Variants in SEMA6D observed in about 807,000 individuals in gnomAD.
SEMA6D encodes the protein semaphorin 6D, also known as semaphorin-6D.
Under a neutral mutation model 106.6 loss-of-function variants are expected in SEMA6D, and 35 were observed. That is an observed-to-expected ratio of 0.33 (90% CI 0.25 to 0.44). SEMA6D has a LOEUF of 0.44. Ranked by LOEUF, SEMA6D falls within the 20% of genes least tolerant of loss-of-function variation. SEMA6D has a pLI of 1.00. For missense variants in SEMA6D, 1,185 were observed against 1,345.9 expected (o/e 0.88, Z 1.87); for synonymous variants, 499 against 487.7 (o/e 1.02, Z -0.31).
intron 4 of SEMA6D, among the ~76,000 whole-genome samples, chr15:47,703,611 G>T (rs2078858415): frequency 6.6e-6 from 1 of 152,020 alleles, no homozygotes. Flanking sequence ...AACAGTTCCT[G>T]TTCTTTGAAT....
intron 2 of SEMA6D, among the ~76,000 whole-genome samples, chr15:47,413,073 T>G (rs281210): frequency 0.63 from 95,573 of 151,958 alleles, 30,502 homozygotes; most frequent in Middle Eastern, 0.69. Context: ...TGGCAAATTG[T>G]GTTACTGGAA....
intron 3 of SEMA6D, among the ~76,000 whole-genome samples, chr15:47,505,407 C>T (rs1055181065): frequency 2.0e-5 from 3 of 152,160 alleles, no homozygotes; most frequent in Admixed American, 6.5e-5. Context: ...AAGCAATAGG[C>T]ACATTCTGCG....
intron 4 of SEMA6D, among the ~76,000 whole-genome samples, chr15:47,658,877 CAACA>C (rs1317993630): frequency 6.6e-6 from 1 of 151,924 alleles, no homozygotes. Context: ...CCCACACACA[CAACA>C]GTTTAGAAAA....
chr15:47,318,271 TTTA>T (rs979949866), intron 1 of SEMA6D, among the ~76,000 whole-genome samples: 27 of 150,864 alleles, frequency 1.8e-4, no homozygotes, highest in African/African-American at 3.2e-4. Context: ...TTTTTTAAAA[TTTA>T]TTATTATTAT....
At chr15:47,299,418 T>C (rs1266897534) in intron 1 of SEMA6D, among the ~76,000 whole-genome samples, 1 of 152,214 alleles carries the variant, frequency 6.6e-6, no homozygotes, top group Non-Finnish European at 1.5e-5. Flanking sequence ...AAAATGGTGC[T>C]CATCCAAATT....
chr15:47,187,392 C>G (rs559889903), intron 1 of SEMA6D, among the ~76,000 whole-genome samples: 91 of 152,142 alleles, frequency 6.0e-4, no homozygotes, highest in African/African-American at 2.1e-3. Flanking sequence ...AAGTGTTATT[C>G]AATTATTATT....
At chr15:47,737,341 GAGCTGTTTATTTGGATGGA>G (rs1228091770) in intron 1 of SEMA6D, among the ~76,000 whole-genome samples, 2 of 152,036 alleles carry the variant, frequency 1.3e-5, no homozygotes, top group African/African-American at 4.8e-5. Flanking sequence ...CAAGAAAAAT[GAGCTGTTTATTTGGATGGA>G]AGGTAACTTA....
chr15:47,552,862 A>ATT (rs2045777443), intron 3 of SEMA6D, among the ~76,000 whole-genome samples: 10 of 69,150 alleles, frequency 1.4e-4, no homozygotes, highest in Admixed American at 2.4e-4. Context: ...AAATATATAT[A>ATT]TATTTTTATA....
intron 1 of SEMA6D, among the ~76,000 whole-genome samples, chr15:47,247,551 G>C (rs1307613867): frequency 1.3e-5 from 2 of 152,090 alleles, no homozygotes; most frequent in African/African-American, 4.8e-5. Flanking sequence ...GAATAGTATT[G>C]AATATTCACT....
intron 2 of SEMA6D, among the ~76,000 whole-genome samples, chr15:47,417,253 G>A (rs890401130): frequency 2.0e-5 from 3 of 151,906 alleles, no homozygotes; most frequent in African/African-American, 7.3e-5. Context: ...ATATTTATTT[G>A]TTTTAGAGAT....
chr15:47,237,291 A>G (rs899442745), intron 1 of SEMA6D, among the ~76,000 whole-genome samples: 5 of 152,124 alleles, frequency 3.3e-5, no homozygotes, highest in African/African-American at 9.7e-5. Context: ...GAGGCTCACC[A>G]TTTTACTTTA....
At chr15:47,208,365 A>T (rs1017588668) in intron 1 of SEMA6D, among the ~76,000 whole-genome samples, 8 of 152,150 alleles carry the variant, frequency 5.3e-5, no homozygotes, top group Admixed American at 4.6e-4. Flanking sequence ...CAGGTGAGAT[A>T]TATCTTCTCT....
chr15:47,545,052 A>G (rs2045475986), intron 3 of SEMA6D, among the ~76,000 whole-genome samples: 1 of 152,092 alleles, frequency 6.6e-6, no homozygotes, highest in Admixed American at 6.6e-5. Context: ...GTTTCTTTGC[A>G]AGATGGCATG....
chr15:47,623,400 A>G (rs1424314969), intron 4 of SEMA6D, among the ~76,000 whole-genome samples: 1 of 152,228 alleles, frequency 6.6e-6, no homozygotes, highest in Non-Finnish European at 1.5e-5. Context: ...TCTTTTATAT[A>G]GGTAAAATTA....
intron 4 of SEMA6D, among the ~76,000 whole-genome samples, chr15:47,687,835 G>A (rs1444820803): frequency 1.3e-5 from 2 of 152,136 alleles, no homozygotes; most frequent in Non-Finnish European, 2.9e-5. Flanking sequence ...TACTTATATT[G>A]AGATTTCTGA....
chr15:47,290,872 G>T (rs918086247), intron 1 of SEMA6D, among the ~76,000 whole-genome samples: 3 of 152,134 alleles, frequency 2.0e-5, no homozygotes, highest in East Asian at 1.9e-4. Context: ...ATTGCATGAG[G>T]TTATTTAAGA....
chr15:47,421,496 C>G (rs1247396179), intron 2 of SEMA6D, among the ~76,000 whole-genome samples: 1 of 152,048 alleles, frequency 6.6e-6, no homozygotes, highest in Non-Finnish European at 1.5e-5. Flanking sequence ...ATCATCTACT[C>G]CTTGGTTTTG....
chr15:47,591,643 T>C (rs1164067411), intron 3 of SEMA6D, among the ~76,000 whole-genome samples: 1 of 152,178 alleles, frequency 6.6e-6, no homozygotes, highest in Non-Finnish European at 1.5e-5. Context: ...GGCTCCAGAA[T>C]TTAATTAGCA....
At chr15:47,692,795 C>A (rs1487156727) in intron 4 of SEMA6D, among the ~76,000 whole-genome samples, 3 of 152,058 alleles carry the variant, frequency 2.0e-5, no homozygotes, top group Non-Finnish European at 4.4e-5. Flanking sequence ...GGGTCTCATT[C>A]TAGTATCTAG....
Sources: allele counts gnomAD v4.1 joint callset (sites outside exome capture counted in the v4.1 genomes callset), GRCh38; gene constraint gnomAD v4.1.1; transcripts MANE v1.5; gene names NCBI Gene and HGNC (gene_info 2026-07-23, HGNC 2026-07-21).